Variants in MCOLN2 observed in about 807,000 individuals in gnomAD.
The protein encoded by MCOLN2 is mucolipin-2.
In MCOLN2, 57 loss-of-function variants were observed where a neutral mutation model predicts 67.5. The ratio of observed to expected loss-of-function variants is 0.84; its 90% confidence interval spans 0.68 to 1.05. The LOEUF is 1.05. Among genes scored for constraint, MCOLN2 ranks in the 50% least tolerant of loss-of-function variants. MCOLN2 has a pLI of 0.00. For synonymous variants in MCOLN2, 246 were observed against 233.3 expected (o/e 1.05, Z -0.50); for missense variants, 620 against 678.8 (o/e 0.91, Z 0.96).
chr1:84,985,016 A>T (rs1018377701), intron 1 of MCOLN2, among the ~76,000 whole-genome samples: 7 of 152,142 alleles, frequency 4.6e-5, no homozygotes, highest in Non-Finnish European at 1.0e-4. Context: ...AAATAAAATT[A>T]AAAATGTGTG....
intron 1 of MCOLN2, among the ~76,000 whole-genome samples, chr1:84,983,680 T>C (rs919153030): frequency 2.0e-5 from 3 of 149,632 alleles, no homozygotes; most frequent in Admixed American, 1.3e-4. Context: ...AAATTTCTTT[T>C]TTTTTTTTTT....
At chr1:84,980,142 T>C (rs1448512575) in intron 1 of MCOLN2, among the ~76,000 whole-genome samples, 1 of 152,042 alleles carries the variant, frequency 6.6e-6, no homozygotes, top group African/African-American at 2.4e-5. Context: ...TAATGAAAAC[T>C]GTAAAACACT....
chr1:84,987,581 G>GATGTATAC lies in MCOLN2; in HGVS notation c.77+9214_77+9215insGTATACAT, dbSNP rs1246353476. Reference sequence around the variant, plus strand: ...CTATGTATACATAGATGTATACATAGATATATACATATGTATATAGATGTA... The same window carrying GATGTATAC: ...CTATGTATACATAGATGTATACATAGATGTATACATATATACATATGTATATAGATGTA... On this transcript the variant is annotated intron_variant, in intron 1 of 13. Coordinates refer to ENST00000370608, the MANE Select transcript of MCOLN2 (RefSeq NM_153259.4). 7.4e-4 allele frequency among the ~76,000 whole-genome samples: 35 copies of GATGTATAC among 47,306 alleles called. 1 individual carries two copies. The highest frequency in any genetic ancestry group is 2.6e-3 in the African/African-American group (34 of 13,240). The allele number at this position is 47,306 out of a possible 152,430, so 31.0% of individuals were successfully genotyped here.
chr1:84,979,451 C>G (rs891056577), intron 1 of MCOLN2, among the ~76,000 whole-genome samples: 4 of 152,118 alleles, frequency 2.6e-5, no homozygotes, highest in African/African-American at 9.7e-5. Flanking sequence ...CCAAATTCAA[C>G]AACACATTAG....
chr1:84,982,087 TAA>T (rs67794449), intron 1 of MCOLN2, among the ~76,000 whole-genome samples: 18,915 of 148,864 alleles, frequency 0.13, 1,381 homozygotes, highest in East Asian at 0.22. Flanking sequence ...TTTTTTTTTT[TAA>T]AAAAAAGATG....
intron 6 of MCOLN2, among the ~76,000 whole-genome samples, chr1:84,951,842 G>A (rs1648493752): frequency 6.6e-6 from 1 of 152,216 alleles, no homozygotes; most frequent in Non-Finnish European, 1.5e-5. Context: ...GGAGGCCGAG[G>A]CAGGCAGATC....
chr1:84,931,463 G>A lies in MCOLN2; in HGVS notation c.1441C>T (p.Leu481=). 2 of 1,613,038 alleles carry A rather than the reference G, an allele frequency of 1.2e-6. No homozygotes were observed. The highest frequency in any genetic ancestry group is 1.7e-5 in the Admixed American group (1 of 60,010). The change falls in exon 12 of 14, where the codon CTG becomes TTG. Residue 481 remains leucine, a synonymous_variant. Coordinates refer to ENST00000370608, the MANE Select transcript of MCOLN2 (RefSeq NM_153259.4). The stretch of plus-strand genomic sequence containing the variant: ...GAATATAAATACAGACGACTGAACA[G>A]CCACACCAAGATGCTCTTCTGCTGG... ...QIQQKSILVW[L]FSRLYLYSFI...
chr1:84,950,824 C>T (rs1393628893), intron 6 of MCOLN2, among the ~76,000 whole-genome samples: 2 of 152,182 alleles, frequency 1.3e-5, no homozygotes, highest in Non-Finnish European at 2.9e-5. Context: ...ATTTCTATAC[C>T]TGTAAGTTAT....
intron 1 of MCOLN2, among the ~76,000 whole-genome samples, chr1:84,968,645 C>G (rs776067785): frequency 1.8e-4 from 27 of 152,202 alleles, no homozygotes; most frequent in Non-Finnish European, 3.1e-4. Flanking sequence ...TTTTGTTATA[C>G]TGTTGAGGCG....
chr1:84,986,742 AAAG>A (rs948350991), intron 1 of MCOLN2, among the ~76,000 whole-genome samples: 1 of 152,170 alleles, frequency 6.6e-6, no homozygotes, highest in Non-Finnish European at 1.5e-5. Flanking sequence ...ACAATTCTCA[AAAG>A]AAGATATACA....
intron 1 of MCOLN2, among the ~76,000 whole-genome samples, chr1:84,987,426 A>G (rs1355850467): frequency 7.3e-6 from 1 of 136,370 alleles, no homozygotes; most frequent in Non-Finnish European, 1.6e-5. Flanking sequence ...GTATATACCT[A>G]TATACGTATA....
intron 12 of MCOLN2, among the ~76,000 whole-genome samples, chr1:84,930,566 T>C (rs1224712093): frequency 6.6e-6 from 1 of 152,096 alleles, no homozygotes; most frequent in African/African-American, 2.4e-5. Context: ...TGTGCACCTC[T>C]TCCTTCTCCA....
Position 84,996,903 on chromosome 1 carries a change from C to T in MCOLN2, c.-31G>A. On this transcript the variant is annotated 5_prime_UTR_variant, in exon 1 of 14. Coordinates refer to ENST00000370608, the MANE Select transcript of MCOLN2 (RefSeq NM_153259.4). ...CTCCTTCAAAACTTTCCAGGGCTCTCGGGATTCGGAACAGGAAACACCGTT... is the reference window on the plus strand; with the variant it reads ...CTCCTTCAAAACTTTCCAGGGCTCTTGGGATTCGGAACAGGAAACACCGTT... 6.3e-7 allele frequency: 1 copy of T among 1,598,642 alleles called. No individual in the cohort carries two copies. The highest frequency in any genetic ancestry group is 1.3e-5 in the African/African-American group (1 of 74,718).
At chr1:84,958,740 C>T in intron 2 of MCOLN2, 38 bp from the exon 3 acceptor site, 1 of 1,456,260 alleles carries the variant, frequency 6.9e-7, no homozygotes, top group Non-Finnish European at 9.2e-7. Flanking sequence ...ATGAATTACA[C>T]CATTTATCAG....
chr1:84,984,735 C>A (rs1364276846), intron 1 of MCOLN2, among the ~76,000 whole-genome samples: 1 of 152,154 alleles, frequency 6.6e-6, no homozygotes, highest in African/African-American at 2.4e-5. Flanking sequence ...GTGGTTCTTG[C>A]CTGTAATCCT....
Position 84,926,736 on chromosome 1 carries a change from G to C in MCOLN2, c.1665-15C>G, listed in dbSNP as rs780976665. On this transcript the variant is annotated splice_polypyrimidine_tract_variant and intron_variant, in intron 13 of 13. Coordinates refer to ENST00000370608, the MANE Select transcript of MCOLN2 (RefSeq NM_153259.4). ...CACTTCTTTTCCTGTAACAGAAAGGGAAAGAAGAAAAGAGGAAAGATACAA... is the reference window on the plus strand; with the variant it reads ...CACTTCTTTTCCTGTAACAGAAAGGCAAAGAAGAAAAGAGGAAAGATACAA... 1.5e-5 allele frequency: 23 copies of C among 1,584,296 alleles called. No individual in the cohort carries two copies. In the Admixed American group the frequency reaches 2.9e-4, roughly 20 times the overall value.
chr1:84,932,892 G>C (rs975995680), intron 11 of MCOLN2, among the ~76,000 whole-genome samples: 1 of 152,130 alleles, frequency 6.6e-6, no homozygotes, highest in African/African-American at 2.4e-5. Context: ...TTAAGAAGAA[G>C]GCTTTCAGGT....
At chr1:84,984,637 G>A (rs11161499) in intron 1 of MCOLN2, among the ~76,000 whole-genome samples, 66,381 of 152,036 alleles carry the variant, frequency 0.44, 15,242 homozygotes, top group East Asian at 0.63. Context: ...AGTTGCCTGC[G>A]CAGTATCCAT....
Position 84,996,904 on chromosome 1 carries a change from G to A in MCOLN2, c.-32C>T, listed in dbSNP as rs763138758. 1 of 1,595,546 alleles carries A rather than the reference G, an allele frequency of 6.3e-7. No homozygotes were observed. Among genetic ancestry groups the A allele is most frequent in the Non-Finnish European group, 8.6e-7 (1 of 1,163,162 alleles). On this transcript the variant is annotated 5_prime_UTR_variant, in exon 1 of 14. Transcript: ENST00000370608. ...TCCTTCAAAACTTTCCAGGGCTCTC[G>A]GGATTCGGAACAGGAAACACCGTTC...
Sources: allele counts gnomAD v4.1 joint callset (sites outside exome capture counted in the v4.1 genomes callset), GRCh38; gene constraint gnomAD v4.1.1; transcripts MANE v1.5; gene names NCBI Gene and HGNC (gene_info 2026-07-23, HGNC 2026-07-21).